AATK: variants seen among roughly 807,000 people sequenced by gnomAD.
AATK encodes the protein lemur tail kinase 1, also known as serine/threonine-protein kinase LMTK1.
AATK carries 91 observed loss-of-function variants against 114.3 expected under a neutral mutation model. That is an observed-to-expected ratio of 0.80 (90% CI 0.67 to 0.95). The LOEUF (loss-of-function observed/expected upper bound fraction) is 0.95, where lower values mean the gene tolerates loss of function less well. Ranked by LOEUF, AATK falls within the 40% of genes least tolerant of loss-of-function variation. AATK has a pLI of 0.00. For missense variants in AATK, 2,176 were observed against 1,965.2 expected (o/e 1.11, Z -2.03); for synonymous variants, 1,075 against 916.5 (o/e 1.17, Z -3.12).
chr17:81,145,229 T>G (rs1277591265), intron 1 of AATK, among the ~76,000 whole-genome samples: 1 of 112,434 alleles, frequency 8.9e-6, no homozygotes, highest in Non-Finnish European at 1.7e-5. Flanking sequence ...AGAGTGAGAC[T>G]CCATCAAAAA....
At chr17:81,144,604 C>T (rs996692242) in intron 1 of AATK, among the ~76,000 whole-genome samples, 8 of 152,246 alleles carry the variant, frequency 5.3e-5, no homozygotes, top group African/African-American at 1.7e-4. Context: ...CACCCCCGGC[C>T]ATTCACATTT....
At chr17:81,159,803 G>A (rs955697503) in intron 1 of AATK, among the ~76,000 whole-genome samples, 1 of 152,112 alleles carries the variant, frequency 6.6e-6, no homozygotes, top group Non-Finnish European at 1.5e-5. Flanking sequence ...ACTCGGCAGA[G>A]CCCTGGTCCC....
At chr17:81,130,783 G>A (rs1029709029) in intron 3 of AATK, among the ~76,000 whole-genome samples, 2 of 152,168 alleles carry the variant, frequency 1.3e-5, no homozygotes, top group African/African-American at 4.8e-5. Context: ...CCTTGGGCAG[G>A]GGAGGCTGGA....
chr17:81,120,578 G>A lies in AATK; in HGVS notation c.3358C>T (p.Pro1120Ser), dbSNP rs776928858. The change falls in exon 11 of 14, where the codon CCC becomes TCC. Residue 1120 changes from proline (P) to serine (S), a missense_variant. Pro to Ser is a moderately conservative substitution (Grantham distance 74). Coordinates refer to ENST00000326724, the MANE Select transcript of AATK (RefSeq NM_001080395.3). The stretch of plus-strand genomic sequence containing the variant: ...GCCGGCCCTGACAACAGTCCTGGGG[G>A]CCCCTGGAACTCAGAGCTGTTGCCT... ...SEGNSSEFQG[P>S]PGLLSGPAPQ... is the part of the protein sequence containing the mutation. 5 of 1,532,302 alleles carry A rather than the reference G, an allele frequency of 3.3e-6. No individual in the cohort carries two copies. The highest frequency in any genetic ancestry group is 2.2e-5 in the Admixed American group (1 of 45,306). 94.9% of individuals were successfully genotyped at this position (1,532,302 alleles called of 1,614,324 possible).
At chr17:81,165,694 G>A (rs2061479848) in intron 1 of AATK, 1 of 1,516,474 alleles carries the variant, frequency 6.6e-7, no homozygotes, top group Non-Finnish European at 8.8e-7. Context: ...GTGCCCTGGA[G>A]GCAGCCACGG....
intron 1 of AATK, among the ~76,000 whole-genome samples, chr17:81,157,769 C>T (rs576913410): frequency 2.0e-5 from 3 of 152,334 alleles, no homozygotes; most frequent in South Asian, 2.1e-4. Context: ...GGAGGCTGAT[C>T]CCTGACAGTG....
chr17:81,163,337 G>T (rs896410203), intron 1 of AATK, among the ~76,000 whole-genome samples: 12 of 152,282 alleles, frequency 7.9e-5, no homozygotes, highest in Middle Eastern at 3.4e-3. Context: ...GGTAGAAGGG[G>T]TGACCTCTGC....
At chr17:81,138,556 GCACA>G (rs201409472) in intron 1 of AATK, among the ~76,000 whole-genome samples, 1 of 138,088 alleles carries the variant, frequency 7.2e-6, no homozygotes, top group African/African-American at 2.8e-5. Context: ...GCACACACGT[GCACA>G]CATACCCCCA....
intron 1 of AATK, among the ~76,000 whole-genome samples, chr17:81,150,786 G>T (rs746098168): frequency 6.6e-6 from 1 of 152,192 alleles, no homozygotes; most frequent in Non-Finnish European, 1.5e-5. Flanking sequence ...GGTGGGCCTC[G>T]GCAGGGCATC....
intron 3 of AATK, chr17:81,128,936 A>G (rs1598925776): frequency 2.8e-6 from 3 of 1,088,514 alleles, no homozygotes; most frequent in South Asian, 5.2e-5. Flanking sequence ...GGAGCGGCCC[A>G]CCCCCACCCT....
chr17:81,118,206 G>A lies in AATK; in HGVS notation c.*196C>T, dbSNP rs1028468899. ...AGCCCAGACGAATTCTGCCTCTGGG[G>A]CGGAGCATGGCCGATCTACCATCCA... is the stretch of plus-strand genomic sequence containing the variant. On this transcript the variant is annotated 3_prime_UTR_variant, in exon 14 of 14. Coordinates refer to ENST00000326724, the MANE Select transcript of AATK (RefSeq NM_001080395.3). 8.4e-6 allele frequency: 5 copies of A among 594,820 alleles called. No individual in the cohort carries two copies. Among genetic ancestry groups the A allele is most frequent in the African/African-American group, 5.6e-5 (3 of 53,582 alleles). The allele number at this position is 594,820 out of a possible 1,614,324, so 36.8% of individuals were successfully genotyped here. A position where few individuals can be genotyped will look rare whatever the true frequency, so the allele number is the denominator to read the frequency against.
rs747989954 is a variant in AATK, at chr17:81,122,535, C to T, written c.1401G>A (p.Thr467=). 8 of 1,480,392 alleles carry T rather than the reference C, an allele frequency of 5.4e-6. No individual in the cohort carries two copies. Among genetic ancestry groups the T allele is most frequent in the African/African-American group, 1.5e-5 (1 of 68,510 alleles). 91.7% of individuals were successfully genotyped at this position (1,480,392 alleles called of 1,614,324 possible). Residue 467 remains threonine, a synonymous_variant, in exon 11 of 14, where the codon ACG becomes ACA. Coordinates refer to ENST00000326724, the MANE Select transcript of AATK (RefSeq NM_001080395.3). ...TGAGGCCTCGGCTGGTCTCGGTCAC[C>T]GTCAGCACGTCGTCGCCGTCCGCGT... ...GFHADGDDVL[T]VTETSRGLNF...
chr17:81,154,925 C>T (rs79476443), intron 1 of AATK, among the ~76,000 whole-genome samples: 138 of 152,280 alleles, frequency 9.1e-4, no homozygotes, highest in African/African-American at 3.2e-3. Context: ...CCACTGCGCT[C>T]GGCCCTTTCC....
intron 2 of AATK, 45 bp from the exon 3 acceptor site, chr17:81,131,250 G>A: frequency 1.3e-6 from 2 of 1,529,914 alleles, no homozygotes; most frequent in Non-Finnish European, 1.8e-6. Context: ...GCAGGTCAAG[G>A]AAGGGTGTGG....
At chr17:81,130,261 G>A (rs971410518) in intron 3 of AATK, among the ~76,000 whole-genome samples, 3 of 152,210 alleles carry the variant, frequency 2.0e-5, no homozygotes, top group Non-Finnish European at 4.4e-5. Flanking sequence ...CAGTGATGGG[G>A]GAAGCCTCAG....
chr17:81,119,264 A>AAGGAGCGGC, intron 13 of AATK, 116 bp downstream of exon 13: 1 of 1,004,606 alleles, frequency 1.0e-6, no homozygotes, highest in Non-Finnish European at 1.3e-6. Flanking sequence ...GAAGGAGCGG[A>AAGGAGCGGC]GCGGAGCGGA....
chr17:81,125,107 C>A, intron 7 of AATK, 93 bp from the exon 8 acceptor site: 2 of 858,410 alleles, frequency 2.3e-6, no homozygotes, highest in Non-Finnish European at 3.6e-6. Context: ...GTGTGCCGGG[C>A]GGGGGCATCC....
At chr17:81,124,518 C>T (rs1263883113) in intron 9 of AATK, among the ~76,000 whole-genome samples, 1 of 152,206 alleles carries the variant, frequency 6.6e-6, no homozygotes, top group African/African-American at 2.4e-5. Context: ...GCCTTGACCC[C>T]ACCATGGGGT....
intron 1 of AATK, among the ~76,000 whole-genome samples, chr17:81,136,990 G>A (rs569893720): frequency 2.0e-5 from 3 of 152,276 alleles, no homozygotes; most frequent in Admixed American, 2.0e-4. Context: ...GGGCGCGGTG[G>A]CTCATGCCTG....
Sources: gnomAD v4.1 joint callset for allele counts (sites outside exome capture counted in the v4.1 genomes callset) on GRCh38, gnomAD v4.1.1 for gene constraint, MANE v1.5 for transcripts, NCBI Gene and HGNC (gene_info 2026-07-23, HGNC 2026-07-21) for gene names.